Variants in PANK3 observed in about 807,000 individuals in gnomAD.
PANK3 encodes hPanK3.
A neutral mutation model predicts 39.4 loss-of-function variants in PANK3; 20 were observed. The observed-to-expected ratio is 0.51, with a 90% confidence interval of 0.36 to 0.74. PANK3 has a LOEUF of 0.74. Ranked by LOEUF, PANK3 falls within the 30% of genes least tolerant of loss-of-function variation. The pLI, the probability that PANK3 is intolerant of heterozygous loss-of-function variation, is 0.00. For synonymous variants in PANK3, 140 were observed against 157.3 expected (o/e 0.89, Z 0.82); for missense variants, 265 against 437.0 (o/e 0.61, Z 3.51).
intron 1 of PANK3, among the ~76,000 whole-genome samples, chr5:168,574,528 A>C (rs1224150027): frequency 6.6e-6 from 1 of 152,182 alleles, no homozygotes; most frequent in African/African-American, 2.4e-5. Flanking sequence ...CATTAAGTAC[A>C]ACCACAGGTC....
intron 1 of PANK3, among the ~76,000 whole-genome samples, chr5:168,571,880 C>T (rs112425326): frequency 2.0e-5 from 3 of 152,076 alleles, no homozygotes; most frequent in Non-Finnish European, 2.9e-5. Context: ...TACAGATAAT[C>T]TTAAGAAACA....
Position 168,568,881 on chromosome 5 carries a change from C to T in PANK3, c.146G>A (p.Arg49Gln), listed in dbSNP as rs754690310. Residue 49 changes from arginine (R) to glutamine (Q), a missense_variant, in exon 2 of 7, where the codon CGG becomes CAG. Arg to Gln is a conservative substitution (Grantham distance 43). Coordinates refer to ENST00000239231, the MANE Select transcript of PANK3 (RefSeq NM_024594.4). ...TGCCACGTTAGAAGTCAAATATTTC[C>T]GAATACTTTTTAAACTCTCAACTTC... is the stretch of plus-strand genomic sequence containing the variant. ...QEEVESLKSI[R>Q]KYLTSNVAYG... The T allele has an allele frequency of 1.1e-5, 17 of 1,613,294 alleles. No homozygotes were observed. Among genetic ancestry groups the T allele is most frequent in the South Asian group, 3.3e-5 (3 of 91,048 alleles).
At chr5:168,575,957 C>T (rs371577884) in intron 1 of PANK3, among the ~76,000 whole-genome samples, 5 of 152,066 alleles carry the variant, frequency 3.3e-5, no homozygotes, top group South Asian at 2.1e-4. Context: ...TTCTAGATAA[C>T]GCTTCAACTT....
chr5:168,579,156 G>T (rs1433470557), intron 1 of PANK3, 100 bp downstream of exon 1: 4 of 1,124,650 alleles, frequency 3.6e-6, no homozygotes, highest in East Asian at 3.2e-5. Context: ...AAGCGCCGGC[G>T]AGGAGCGACG....
At chr5:168,565,628 A>C (rs1307976439) in intron 3 of PANK3, among the ~76,000 whole-genome samples, 1 of 151,986 alleles carries the variant, frequency 6.6e-6, no homozygotes, top group Non-Finnish European at 1.5e-5. Context: ...TCTAGATAAA[A>C]ATTCACTTTA....
chr5:168,565,797 C>T (rs1759513382), intron 3 of PANK3, among the ~76,000 whole-genome samples: 1 of 148,010 alleles, frequency 6.8e-6, no homozygotes, highest in East Asian at 2.0e-4. Flanking sequence ...CCGAGACAGG[C>T]AGATTGCTTG....
rs959217579 is a variant in PANK3 at position 168,557,370 on chromosome 5, C to G, written c.*201G>C. ...GGCTGTATTGCATTTAAGGATTTAA[C>G]ACTGGCTATATACAAAAGGGAAAGC... On this transcript the variant is annotated 3_prime_UTR_variant, in exon 7 of 7. Coordinates refer to ENST00000239231, the MANE Select transcript of PANK3 (RefSeq NM_024594.4). 5 of 562,406 alleles carry G rather than the reference C, an allele frequency of 8.9e-6. No individual in the cohort carries two copies. The highest frequency in any genetic ancestry group is 1.6e-5 in the Non-Finnish European group (5 of 319,234). The allele number at this position is 562,406 out of a possible 1,614,324, so 34.8% of individuals were successfully genotyped here.
intron 6 of PANK3, among the ~76,000 whole-genome samples, chr5:168,558,246 G>A (rs1441367966): frequency 1.4e-5 from 2 of 144,224 alleles, no homozygotes; most frequent in Non-Finnish European, 1.5e-5. Context: ...TGCAGGCTCC[G>A]CCCCCTGGGG....
At chr5:168,563,252 A>G (rs1396764479) in intron 4 of PANK3, among the ~76,000 whole-genome samples, 1 of 152,214 alleles carries the variant, frequency 6.6e-6, no homozygotes, top group African/African-American at 2.4e-5. Context: ...ACAATCCAAC[A>G]GAAAAGTAGA....
At chr5:168,572,882 T>G (rs1255637821) in intron 1 of PANK3, among the ~76,000 whole-genome samples, 1 of 151,986 alleles carries the variant, frequency 6.6e-6, no homozygotes. Flanking sequence ...GGATTAGGGG[T>G]GGCGTGGGAA....
chr5:168,560,654 G>A (rs1172777355), intron 5 of PANK3, among the ~76,000 whole-genome samples: 3 of 152,088 alleles, frequency 2.0e-5, no homozygotes, highest in Non-Finnish European at 2.9e-5. Context: ...ATGAATAAAT[G>A]AATGAATGAA....
At position 168,576,207 on chromosome 5, in the gene PANK3, G is replaced by A. The variant is rs116664753; in HGVS notation, c.28+3049C>T. The stretch of plus-strand genomic sequence containing the variant: ...CATATTACAACTGAGTTTACAACAG[G>A]CCAATCAAATTACACAGACACAAAC... On this transcript the variant is annotated intron_variant, in intron 1 of 6. Transcript: ENST00000239231. Among the ~76,000 whole-genome samples, 609 of 152,240 alleles carry A rather than the reference G, an allele frequency of 4.0e-3. 2 individuals carry two copies. The highest frequency in any genetic ancestry group is 7.7e-3 in the South Asian group (37 of 4,824).
At chr5:168,565,522 A>C (rs1330059044) in intron 3 of PANK3, among the ~76,000 whole-genome samples, 1 of 152,164 alleles carries the variant, frequency 6.6e-6, no homozygotes, top group Non-Finnish European at 1.5e-5. Flanking sequence ...AAAAAAGAAC[A>C]AAATATAAAC....
At chr5:168,575,733 C>G (rs1297110168) in intron 1 of PANK3, among the ~76,000 whole-genome samples, 1 of 151,934 alleles carries the variant, frequency 6.6e-6, no homozygotes, top group Non-Finnish European at 1.5e-5. Context: ...TTGCAGTGAG[C>G]TGAGATCGTG....
intron 1 of PANK3, 125 bp downstream of exon 1, chr5:168,579,130 GC>G: frequency 1.3e-6 from 1 of 791,294 alleles, no homozygotes; most frequent in Non-Finnish European, 1.8e-6. Flanking sequence ...TGGTCCCTCC[GC>G]CCCCATACCG....
chr5:168,568,503 T>G (rs1182896397), intron 2 of PANK3, 143 bp downstream of exon 2: 1 of 669,112 alleles, frequency 1.5e-6, no homozygotes, highest in African/African-American at 1.8e-5. Context: ...TAAACGTGTT[T>G]AAAACGCCCC....
Position 168,552,227 on chromosome 5 carries a change from T to C in PANK3, c.*5344A>G, listed in dbSNP as rs1759282491. ...TCTACAATGCATTAAAGTTTCTTTT[T>C]AATCCTTAGAAATTGGCTGCTCAAA... is the stretch of plus-strand genomic sequence containing the variant. On this transcript the variant is annotated 3_prime_UTR_variant, in exon 7 of 7. Coordinates refer to ENST00000239231, the MANE Select transcript of PANK3 (RefSeq NM_024594.4). 1 of 152,182 alleles carries C rather than the reference T, an allele frequency of 6.6e-6. No homozygotes were observed. The highest frequency in any genetic ancestry group is 2.4e-5 in the African/African-American group (1 of 41,454). The allele number at this position is 152,182 out of a possible 1,614,324, so 9.4% of individuals were successfully genotyped here. A position where few individuals can be genotyped will look rare whatever the true frequency, so the allele number is the denominator to read the frequency against.
intron 6 of PANK3, among the ~76,000 whole-genome samples, chr5:168,558,093 T>TGCACAAGG (rs758839503): frequency 5.9e-4 from 90 of 152,036 alleles, no homozygotes; most frequent in Middle Eastern, 3.4e-3. Flanking sequence ...CATGTGGAAT[T>TGCACAAGG]GCACAAGGGC....
At chr5:168,558,898 T>C (rs753660825) in intron 6 of PANK3, 134 bp downstream of exon 6, 63 of 729,138 alleles carry the variant, frequency 8.6e-5, no homozygotes, top group Admixed American at 1.4e-4. Context: ...GGTGGGAGGA[T>C]TGATGAGCCC....
Sources: gnomAD v4.1 joint callset for allele counts (sites outside exome capture counted in the v4.1 genomes callset) on GRCh38, gnomAD v4.1.1 for gene constraint, MANE v1.5 for transcripts, NCBI Gene and HGNC (gene_info 2026-07-23, HGNC 2026-07-21) for gene names.